The following ANKS1B variants were observed in gnomAD, a reference collection of about 807,000 sequenced individuals.
The protein encoded by ANKS1B is ankyrin repeat and sterile alpha motif domain containing 1B.
A neutral mutation model predicts 148.3 loss-of-function variants in ANKS1B; 36 were observed. That is an observed-to-expected ratio of 0.24 (90% confidence interval 0.19 to 0.32). The LOEUF is 0.32. ANKS1B is among the 10% of genes least tolerant of loss of function. The pLI is 1.00. For synonymous variants in ANKS1B, 542 were observed against 560.8 expected (o/e 0.97, Z 0.47); for missense variants, 1,157 against 1,542.6 (o/e 0.75, Z 4.19).
intron 17 of ANKS1B, among the ~76,000 whole-genome samples, chr12:98,863,591 G>C (rs2099610392): frequency 6.6e-6 from 1 of 152,228 alleles, no homozygotes; most frequent in Admixed American, 6.5e-5. Context: ...TATGTTCAAT[G>C]TTGGTAGGGA....
At chr12:99,453,045 C>T (rs1344886641) in intron 10 of ANKS1B, among the ~76,000 whole-genome samples, 2 of 152,172 alleles carry the variant, frequency 1.3e-5, no homozygotes, top group East Asian at 1.9e-4. Flanking sequence ...AATCCTAGCA[C>T]TTTGGGAGGC....
In ANKS1B at chr12:99,351,432, C is replaced by CT. The variant is rs572539881; in HGVS notation, c.1756+48198dup. Among the ~76,000 whole-genome samples, 319 of 146,576 alleles carry CT rather than the reference C, an allele frequency of 2.2e-3. 1 individual carries two copies. The highest frequency in any genetic ancestry group is 3.1e-3 in the Non-Finnish European group (207 of 66,106). ...TATTTGCACTATTTTTAGTTTTTAA[C>CT]TTTTTTTTTTTATTTTTGAGAGTTA... On this transcript the variant is annotated intron_variant, in intron 12 of 26. Coordinates refer to ENST00000683438, the MANE Select transcript of ANKS1B (RefSeq NM_001352186.2).
At chr12:99,733,735 C>A (rs996128753) in intron 8 of ANKS1B, among the ~76,000 whole-genome samples, 2 of 152,158 alleles carry the variant, frequency 1.3e-5, no homozygotes, top group African/African-American at 4.8e-5. Context: ...TTATCAAGAT[C>A]AAATTGAATT....
At chr12:99,309,561 A>T (rs953811385) in intron 12 of ANKS1B, among the ~76,000 whole-genome samples, 1 of 152,084 alleles carries the variant, frequency 6.6e-6, no homozygotes, top group African/African-American at 2.4e-5. Context: ...ATGGATGTGT[A>T]TGTGCACATA....
At chr12:98,964,950 G>C (rs148155692) in intron 17 of ANKS1B, among the ~76,000 whole-genome samples, 2 of 152,008 alleles carry the variant, frequency 1.3e-5, no homozygotes, top group African/African-American at 4.8e-5. Context: ...ATAATTTATT[G>C]TACATTTAAA....
At chr12:99,848,281 T>G (rs1278140706) in intron 1 of ANKS1B, among the ~76,000 whole-genome samples, 1 of 152,012 alleles carries the variant, frequency 6.6e-6, no homozygotes, top group South Asian at 2.1e-4. Context: ...CCCTCCTCCC[T>G]GCAAAGTGGA....
At chr12:99,845,276 G>T (rs769445189) in intron 1 of ANKS1B, among the ~76,000 whole-genome samples, 1 of 152,132 alleles carries the variant, frequency 6.6e-6, no homozygotes, top group Non-Finnish European at 1.5e-5. Flanking sequence ...AATAGGAGTG[G>T]TGAGAGAGAG....
Position 99,399,827 on chromosome 12 carries a change from A to G in ANKS1B, c.1576-16T>C, listed in dbSNP as rs1377717340. On this transcript the variant is annotated splice_polypyrimidine_tract_variant and intron_variant, in intron 11 of 26. Coordinates refer to ENST00000683438, the MANE Select transcript of ANKS1B (RefSeq NM_001352186.2). ...GCTGTTTAGGCTAAAATAAATGAGC[A>G]TGACGAGAGTATTAATATGATCATG... 6.2e-7 allele frequency: 1 copy of G among 1,612,366 alleles called. No homozygotes were observed. Among genetic ancestry groups the G allele is most frequent in the African/African-American group, 1.3e-5 (1 of 74,986 alleles).
At chr12:99,632,610 G>A (rs2098173082) in intron 9 of ANKS1B, among the ~76,000 whole-genome samples, 1 of 151,062 alleles carries the variant, frequency 6.6e-6, no homozygotes, top group African/African-American at 2.4e-5. Context: ...CAGAATGCTA[G>A]TCATGGAGTC....
chr12:98,903,423 T>C (rs1261511311), intron 17 of ANKS1B, among the ~76,000 whole-genome samples: 2 of 152,038 alleles, frequency 1.3e-5, no homozygotes, highest in African/African-American at 2.4e-5. Context: ...ACCAAGACTG[T>C]TGGAACTACT....
At chr12:99,357,222 T>A (rs981167248) in intron 12 of ANKS1B, among the ~76,000 whole-genome samples, 2 of 152,168 alleles carry the variant, frequency 1.3e-5, no homozygotes, top group Non-Finnish European at 2.9e-5. Flanking sequence ...ATATTTTCCA[T>A]GTTACTATAA....
intron 11 of ANKS1B, among the ~76,000 whole-genome samples, chr12:99,424,340 G>A (rs542648867): frequency 5.9e-5 from 9 of 152,130 alleles, no homozygotes; most frequent in Non-Finnish European, 1.0e-4. Flanking sequence ...TGTTTTGAAA[G>A]AGCATGCTGC....
intron 1 of ANKS1B, among the ~76,000 whole-genome samples, chr12:99,885,954 G>A (rs1391645556): frequency 6.6e-6 from 1 of 152,140 alleles, no homozygotes; most frequent in Non-Finnish European, 1.5e-5. Flanking sequence ...TTTTATGGCT[G>A]AGTAGTATTC....
chr12:99,375,901 A>C (rs1216453818), intron 12 of ANKS1B, among the ~76,000 whole-genome samples: 3 of 152,174 alleles, frequency 2.0e-5, no homozygotes, highest in Non-Finnish European at 4.4e-5. Context: ...TCTTCCTCTA[A>C]ATCCATAGAT....
chr12:99,094,737 G>A (rs1440140944), intron 15 of ANKS1B, among the ~76,000 whole-genome samples: 1 of 152,102 alleles, frequency 6.6e-6, no homozygotes, highest in African/African-American at 2.4e-5. Context: ...TGACTGAGGG[G>A]GACGAAGACC....
intron 14 of ANKS1B, among the ~76,000 whole-genome samples, chr12:99,226,227 G>A (rs2085917308): frequency 6.6e-6 from 1 of 152,130 alleles, no homozygotes; most frequent in South Asian, 2.1e-4. Context: ...AATTTCTGCT[G>A]TAAGTGCACA....
At chr12:99,659,581 TTA>T (rs2098466013) in intron 8 of ANKS1B, among the ~76,000 whole-genome samples, 1 of 152,048 alleles carries the variant, frequency 6.6e-6, no homozygotes, top group African/African-American at 2.4e-5. Context: ...TTGAGAATAA[TTA>T]TATTAGTCTA....
chr12:98,998,683 G>A (rs763386538), intron 17 of ANKS1B, among the ~76,000 whole-genome samples: 1 of 152,148 alleles, frequency 6.6e-6, no homozygotes, highest in Non-Finnish European at 1.5e-5. Context: ...GTAAAAAAGA[G>A]GCAGAAAAAA....
At chr12:99,040,045 G>T (rs767774410) in intron 17 of ANKS1B, among the ~76,000 whole-genome samples, 1 of 152,106 alleles carries the variant, frequency 6.6e-6, no homozygotes, top group Non-Finnish European at 1.5e-5. Context: ...TTTTTGGGGG[G>T]ACTGCGGGAA....
Sources: allele counts gnomAD v4.1 joint callset (sites outside exome capture counted in the v4.1 genomes callset), GRCh38; gene constraint gnomAD v4.1.1; transcripts MANE v1.5; gene names NCBI Gene and HGNC (gene_info 2026-07-23, HGNC 2026-07-21).